The following ERICH3 variants were observed in gnomAD, a reference collection of about 807,000 sequenced individuals.
ERICH3 encodes the protein glutamate-rich protein 3.
Under a neutral mutation model 131.1 loss-of-function variants are expected in ERICH3, and 126 were observed. The observed-to-expected ratio is 0.96, with a 90% CI of 0.83 to 1.11. The LOEUF (loss-of-function observed/expected upper bound fraction) is 1.11, where lower values mean the gene tolerates loss of function less well. Among genes scored for constraint, ERICH3 ranks in the 50% most tolerant of loss-of-function variants. The probability of loss-of-function intolerance (pLI) is 0.00; values close to 1 mark genes in which losing one functional copy is unlikely to be tolerated. For missense variants in ERICH3, 2,050 were observed against 1,810.7 expected, an observed-to-expected ratio of 1.13 and a Z score of -2.40; for synonymous variants, 695 against 644.6, an observed-to-expected ratio of 1.08 and a Z score of -1.18.
At position 74,589,891 on chromosome 1, in the gene ERICH3, G is replaced by T; in HGVS notation, c.1916C>A (p.Ser639Tyr). ...TTGGTCTTCAATTTCAATTTCTAAG[G>T]ATTCCTCAATTGGAAGGTGAGACTT... ...PRKSHLPIEE[S>Y]LEIEIEDQEI... Residue 639 changes from serine to tyrosine, a missense_variant, in exon 12 of 15, where the codon TCC (serine) becomes TAC (tyrosine). Ser to Tyr is a moderately radical substitution (Grantham distance 144, BLOSUM62 -2). Coordinates refer to ENST00000326665, the MANE Select transcript of ERICH3 (RefSeq NM_001002912.5). The T allele has an allele frequency of 6.2e-7, 1 of 1,613,950 alleles. No homozygotes were observed. Among genetic ancestry groups the T allele is most frequent in the Non-Finnish European group, 8.5e-7 (1 of 1,179,956 alleles).
rs78944192 is a variant in ERICH3 at position 74,576,957 on chromosome 1, G to T, written c.2177-21C>A. ...CTTTCCTAGTTAAAAAAAAAAAAAA[G>T]AAAAAAAAGGTCAAATGAATCACTG... On this transcript the variant is annotated intron_variant, in intron 12 of 14. Coordinates refer to ENST00000326665, the MANE Select transcript of ERICH3 (RefSeq NM_001002912.5). 4,899 of 1,429,798 alleles carry T rather than the reference G, an allele frequency of 3.4e-3. 145 individuals carry two copies. In the African/African-American group the frequency reaches 0.064, roughly 19 times the overall value. The allele number at this position is 1,429,798 out of a possible 1,614,324, so 88.6% of individuals were successfully genotyped here. A position where few individuals can be genotyped will look rare whatever the true frequency, so the allele number is the denominator to read the frequency against.
intron 10 of ERICH3, among the ~76,000 whole-genome samples, chr1:74,601,740 C>A (rs550909940): frequency 1.1e-4 from 16 of 151,810 alleles, no homozygotes; most frequent in Admixed American, 2.6e-4. Context: ...GCAATTCCAT[C>A]CATAGTGTTA....
Position 74,632,362 on chromosome 1 carries a change from T to C in ERICH3, c.604-434A>G, listed in dbSNP as rs146919504. Among the ~76,000 whole-genome samples the C allele has an allele frequency of 3.9e-4, 59 of 152,140 alleles. 1 individual carries two copies. In the East Asian group the frequency reaches 0.011, roughly 28 times the overall value. ...AGGGTTTGCAAAGCTGTAAACAAAC[T>C]GGCATGTACTGTTTAGCATAAATAA... On this transcript the variant is annotated intron_variant, in intron 6 of 14. Transcript: ENST00000326665.
At chr1:74,648,210 C>T (rs1646501993) in intron 2 of ERICH3, among the ~76,000 whole-genome samples, 1 of 152,116 alleles carries the variant, frequency 6.6e-6, no homozygotes, top group Admixed American at 6.6e-5. Flanking sequence ...GTTAATGATG[C>T]TGATAAGTAA....
At chr1:74,598,704 A>G (rs944821498) in intron 11 of ERICH3, among the ~76,000 whole-genome samples, 6 of 151,882 alleles carry the variant, frequency 4.0e-5, no homozygotes, top group Admixed American at 3.3e-4. Context: ...AAACTAAAAC[A>G]AGAAGCTAGT....
At chr1:74,606,153 C>T (rs1053780834) in intron 10 of ERICH3, among the ~76,000 whole-genome samples, 2 of 151,664 alleles carry the variant, frequency 1.3e-5, no homozygotes, top group Non-Finnish European at 2.9e-5. Context: ...GGTTCCACAA[C>T]CCTAAGCCTA....
Position 74,568,924 on chromosome 1 carries a change from G to A in ERICH3, c.*1534C>T, listed in dbSNP as rs1557649371. On this transcript the variant is annotated 3_prime_UTR_variant, in exon 15 of 15. Transcript: ENST00000326665. ...CCCACCAAGAGTTTCTAATTTAGTAGGTAGGAGACAAAGGCTGGGAACAAT... is the reference window on the plus strand; with the variant it reads ...CCCACCAAGAGTTTCTAATTTAGTAAGTAGGAGACAAAGGCTGGGAACAAT... The A allele has an allele frequency of 6.6e-6, 1 of 152,122 alleles. No individual in the cohort carries two copies. The highest frequency in any genetic ancestry group is 1.5e-5 in the Non-Finnish European group (1 of 68,014). 9.4% of individuals were successfully genotyped at this position (152,122 alleles called of 1,614,324 possible). A position where few individuals can be genotyped will look rare whatever the true frequency, so the allele number is the denominator to read the frequency against.
chr1:74,575,168 C>A (rs1291983223), intron 13 of ERICH3, among the ~76,000 whole-genome samples: 1 of 152,182 alleles, frequency 6.6e-6, no homozygotes, highest in Non-Finnish European at 1.5e-5. Flanking sequence ...ACTGTCTTAC[C>A]ATTTCATTAC....
chr1:74,605,258 C>T (rs190507870), intron 10 of ERICH3, among the ~76,000 whole-genome samples: 2 of 152,058 alleles, frequency 1.3e-5, no homozygotes, highest in East Asian at 3.9e-4. Flanking sequence ...CTTGCTCTGA[C>T]TTAAGCTTTG....
chr1:74,663,801 G>A (rs1323306788), intron 1 of ERICH3, among the ~76,000 whole-genome samples: 6 of 151,792 alleles, frequency 4.0e-5, no homozygotes, highest in Admixed American at 2.6e-4. Context: ...CCTACCTGTA[G>A]GACTACTCAT....
At chr1:74,632,158 A>G in intron 6 of ERICH3, among the ~76,000 whole-genome samples, 1 of 152,156 alleles carries the variant, frequency 6.6e-6, no homozygotes, top group East Asian at 1.9e-4. Context: ...TAAAGTGATG[A>G]CACTTTTATA....
chr1:74,606,072 T>C (rs1648378496), intron 10 of ERICH3, among the ~76,000 whole-genome samples: 1 of 150,594 alleles, frequency 6.6e-6, no homozygotes, highest in South Asian at 2.1e-4. Context: ...AGAGAAGCAG[T>C]GGAAGGCAGG....
chr1:74,651,694 C>T (rs1016475219), intron 1 of ERICH3, among the ~76,000 whole-genome samples: 12 of 151,984 alleles, frequency 7.9e-5, no homozygotes, highest in African/African-American at 2.9e-4. Flanking sequence ...TTTTCAGGCT[C>T]AAGTTTTTTC....
intron 7 of ERICH3, 104 bp from the exon 8 acceptor site, chr1:74,621,018 C>A: frequency 1.1e-6 from 1 of 924,802 alleles, no homozygotes; most frequent in Middle Eastern, 3.3e-4. Flanking sequence ...TTTTAAGTAC[C>A]TACCAACAAA....
In ERICH3 at chr1:74,575,840, A is replaced by G. The variant is rs1260112058; in HGVS notation, c.2218+1055T>C. Among the ~76,000 whole-genome samples, 5 of 152,248 alleles carry G rather than the reference A, an allele frequency of 3.3e-5. No individual in the cohort carries two copies. In the East Asian group the frequency reaches 7.7e-4, roughly 23 times the overall value. On this transcript the variant is annotated intron_variant, in intron 13 of 14. Transcript: ENST00000326665. ...TGAGATGTTATATGAACACAACACTATAAGGGTGTCAGACATGACGTTCCT... is the reference window on the plus strand; with the variant it reads ...TGAGATGTTATATGAACACAACACTGTAAGGGTGTCAGACATGACGTTCCT...
chr1:74,636,493 GA>G, intron 5 of ERICH3, 55 bp from the exon 6 acceptor site: 1 of 1,505,310 alleles, frequency 6.6e-7, no homozygotes, highest in Non-Finnish European at 9.0e-7. Flanking sequence ...CATGTTTCCA[GA>G]ACCAATTAAT....
intron 3 of ERICH3, among the ~76,000 whole-genome samples, chr1:74,645,103 G>A (rs1454807723): frequency 6.6e-6 from 1 of 151,742 alleles, no homozygotes; most frequent in African/African-American, 2.4e-5. Context: ...CAAGACCTCC[G>A]TTCAGTTTCC....
chr1:74,608,861 A>G (rs774826798), intron 9 of ERICH3, among the ~76,000 whole-genome samples: 34 of 152,042 alleles, frequency 2.2e-4, no homozygotes, highest in Non-Finnish European at 4.6e-4. Flanking sequence ...TCCCTTATCA[A>G]TTGCAACACC....
At chr1:74,626,703 C>T (rs962800531) in intron 7 of ERICH3, among the ~76,000 whole-genome samples, 4 of 152,204 alleles carry the variant, frequency 2.6e-5, no homozygotes, top group Middle Eastern at 3.4e-3. Context: ...TGAGTTAAAC[C>T]TTAGTGCAAA....
Sources: allele counts gnomAD v4.1 joint callset (sites outside exome capture counted in the v4.1 genomes callset), GRCh38; gene constraint gnomAD v4.1.1; transcripts MANE v1.5; gene names NCBI Gene and HGNC (gene_info 2026-07-23, HGNC 2026-07-21).